Variants in PPP1R13B observed in about 807,000 individuals in gnomAD.
The protein encoded by PPP1R13B is protein phosphatase 1 regulatory subunit 13B, also known as apoptosis-stimulating of p53 protein 1.
PPP1R13B carries 44 observed loss-of-function variants against 119.8 expected under a neutral mutation model. The observed-to-expected ratio is 0.37, with a 90% confidence interval of 0.29 to 0.47. The LOEUF is 0.47. PPP1R13B is among the 20% of genes least tolerant of loss of function. The pLI is 0.99. For synonymous variants in PPP1R13B, 542 were observed against 561.5 expected, an observed-to-expected ratio of 0.97 and a Z score of 0.49; for missense variants, 1,227 against 1,413.5, an observed-to-expected ratio of 0.87 and a Z score of 2.12.
rs372140075 is a variant in PPP1R13B, at chr14:103,736,211, A to G, written c.3032-9T>C. The G allele has an allele frequency of 2.5e-5, 40 of 1,612,478 alleles. No individual in the cohort carries two copies. The highest frequency in any genetic ancestry group is 3.1e-5 in the Non-Finnish European group (36 of 1,179,730). ...CAGCTTTTCCTGCACCCCTGGAGCC[A>G]GAGAGCAATGGTCAGGCCTCAGCAG... On this transcript the variant is annotated splice_polypyrimidine_tract_variant and intron_variant, in intron 15 of 16. Transcript: ENST00000202556.
rs115842275 is a variant in PPP1R13B, at chr14:103,790,905, T to A, written c.158-5991A>T. Among the ~76,000 whole-genome samples the A allele has an allele frequency of 3.6e-3, 552 of 152,228 alleles. 5 individuals are homozygous for A. The highest frequency in any genetic ancestry group is 0.013 in the African/African-American group (535 of 41,540). ...CTGTAATACAGCTATAAACTTGTGT[T>A]TATACTTAAGATTTATAACTCTAAA... On this transcript the variant is annotated intron_variant, in intron 2 of 16. Transcript: ENST00000202556.
chr14:103,841,512 C>T (rs1452403050), intron 1 of PPP1R13B, among the ~76,000 whole-genome samples: 1 of 152,034 alleles, frequency 6.6e-6, no homozygotes, highest in Non-Finnish European at 1.5e-5. Context: ...ATCGCTTGAG[C>T]CCTGTAGGCA....
At position 103,737,744 on chromosome 14, in the gene PPP1R13B, T is replaced by C. The variant is rs771598049; in HGVS notation, c.2981A>G (p.Lys994Arg). 4.3e-6 allele frequency: 7 copies of C among 1,614,226 alleles called. No individual in the cohort carries two copies. The highest frequency in any genetic ancestry group is 5.9e-6 in the Non-Finnish European group (7 of 1,180,034). ...TISDIETAAD[K>R]CEEMEEGYIQ... is the part of the protein sequence containing the mutation. The stretch of plus-strand genomic sequence containing the variant: ...GTAGCCTTCCTCCATCTCCTCACAC[T>C]TGTCTGCAGCAGTTTCAATGTCGCT... Residue 994 changes from lysine to arginine, a missense_variant, in exon 15 of 17, where the codon AAG (lysine) becomes AGG (arginine). Physicochemically the swap from Lys to Arg is conservative, Grantham distance 26. Transcript: ENST00000202556.
chr14:103,735,386 C>A (rs1198495238), intron 16 of PPP1R13B, among the ~76,000 whole-genome samples, 191 bp from the exon 17 acceptor site: 2 of 152,214 alleles, frequency 1.3e-5, no homozygotes, highest in African/African-American at 4.8e-5. Flanking sequence ...CTTGTACCCC[C>A]AGAATATCCT....
intron 1 of PPP1R13B, among the ~76,000 whole-genome samples, chr14:103,814,789 C>T (rs1429367943): frequency 1.3e-5 from 2 of 151,628 alleles, no homozygotes; most frequent in South Asian, 4.2e-4. Flanking sequence ...ACTAATAATA[C>T]AAAAAATTAG....
chr14:103,757,068 T>C (rs1222514645), intron 5 of PPP1R13B, among the ~76,000 whole-genome samples: 3 of 151,134 alleles, frequency 2.0e-5, no homozygotes, highest in Admixed American at 1.3e-4. Flanking sequence ...AGCCTTTTTT[T>C]TTTTTTTTAA....
chr14:103,735,471 GGCAA>G (rs1392361083), intron 16 of PPP1R13B, among the ~76,000 whole-genome samples: 36 of 152,284 alleles, frequency 2.4e-4, no homozygotes, highest in African/African-American at 8.7e-4. Flanking sequence ...AGCTCCCCTG[GGCAA>G]GGGTCTCTGC....
At position 103,808,501 on chromosome 14, in the gene PPP1R13B, A is replaced by G. The variant is rs2086071250; in HGVS notation, c.10-10983T>C. On this transcript the variant is annotated intron_variant, in intron 1 of 16. Transcript: ENST00000202556. ...ATATCATGATGTTTTAAGAAAGTTT[A>G]CTAATTTGTGTTGGGCTGCATTCAA... is the stretch of plus-strand genomic sequence containing the variant. 2.0e-5 allele frequency among the ~76,000 whole-genome samples: 3 copies of G among 152,342 alleles called. No homozygotes were observed. The South Asian group carries it at 6.2e-4, about 32-fold the overall frequency.
intron 1 of PPP1R13B, among the ~76,000 whole-genome samples, chr14:103,823,330 C>T (rs1433426102): frequency 6.6e-6 from 1 of 150,548 alleles, no homozygotes; most frequent in Non-Finnish European, 1.5e-5. Flanking sequence ...CACAGTGAGA[C>T]TCTGTCTCAA....
chr14:103,790,414 T>A (rs1056795610), intron 2 of PPP1R13B, among the ~76,000 whole-genome samples: 31 of 152,064 alleles, frequency 2.0e-4, no homozygotes, highest in African/African-American at 7.5e-4. Flanking sequence ...GTGGTAATAT[T>A]AGGAGGTGGG....
intron 1 of PPP1R13B, among the ~76,000 whole-genome samples, chr14:103,804,313 T>C (rs1327616442): frequency 6.6e-6 from 1 of 152,158 alleles, no homozygotes; most frequent in African/African-American, 2.4e-5. Context: ...TAATCACTAA[T>C]TTAAGTAAAC....
chr14:103,739,757 G>A (rs1172206891), intron 12 of PPP1R13B, 67 bp downstream of exon 12: 5 of 1,483,454 alleles, frequency 3.4e-6, no homozygotes, highest in Non-Finnish European at 4.5e-6. Flanking sequence ...CCAAGGGAAG[G>A]ACCCCAGAGG....
chr14:103,837,470 C>T (rs560170071), intron 1 of PPP1R13B, among the ~76,000 whole-genome samples: 44 of 152,208 alleles, frequency 2.9e-4, no homozygotes, highest in African/African-American at 9.2e-4. Context: ...GCTGCTGAAG[C>T]AATAAATCTG....
Position 103,784,812 on chromosome 14 carries a change from G to A in PPP1R13B, c.260C>T (p.Thr87Ile). Residue 87 changes from threonine to isoleucine, a missense_variant, in exon 3 of 17, where the codon ACT becomes ATT. Transcript: ENST00000202556. ...TTATCTACCTTGTTCACTGTTCTCA[G>A]TTGGGGAGTCCTCGTGTCGAAGGAA... is the stretch of plus-strand genomic sequence containing the variant. ...KFFLRHEDSP[T>I]ENSEQGGRQT... 6.2e-7 allele frequency: 1 copy of A among 1,608,864 alleles called. No homozygotes were observed. Among genetic ancestry groups the A allele is most frequent in the Non-Finnish European group, 8.5e-7 (1 of 1,176,132 alleles).
At chr14:103,834,007 G>T (rs1012627423) in intron 1 of PPP1R13B, among the ~76,000 whole-genome samples, 4 of 152,202 alleles carry the variant, frequency 2.6e-5, no homozygotes, top group Non-Finnish European at 5.9e-5. Context: ...CAAGGATACT[G>T]CAGTGGGAAA....
chr14:103,776,252 C>A (rs1482194550), intron 4 of PPP1R13B, among the ~76,000 whole-genome samples: 3 of 140,100 alleles, frequency 2.1e-5, no homozygotes, highest in African/African-American at 8.4e-5. Flanking sequence ...ATGGCAGGGG[C>A]CTAATATTAT....
chr14:103,822,940 C>T lies in PPP1R13B; in HGVS notation c.9+24359G>A, dbSNP rs75669828. Among the ~76,000 whole-genome samples, 4 of 152,280 alleles carry T rather than the reference C, an allele frequency of 2.6e-5. No individual in the cohort carries two copies. The East Asian group carries it at 5.8e-4, about 22-fold the overall frequency. On this transcript the variant is annotated intron_variant, in intron 1 of 16. Coordinates refer to ENST00000202556, the MANE Select transcript of PPP1R13B (RefSeq NM_015316.3). ...CACGTTACAGATGGAGAAGCAGACT[C>T]AAGAGATGCTTGACACCTTGCTGGG...
intron 1 of PPP1R13B, among the ~76,000 whole-genome samples, chr14:103,798,297 G>A (rs987286743): frequency 2.0e-5 from 3 of 151,480 alleles, no homozygotes; most frequent in Middle Eastern, 3.2e-3. Context: ...GACTACAGGC[G>A]CCCGCCACCA....
chr14:103,734,488 T>G lies in PPP1R13B; in HGVS notation c.*666A>C. On this transcript the variant is annotated 3_prime_UTR_variant, in exon 17 of 17. Coordinates refer to ENST00000202556, the MANE Select transcript of PPP1R13B (RefSeq NM_015316.3). ...TGAGGCTCTCCCAGTTGTCACTTGG[T>G]CTTAGGGGTCCTGGTGCCCGTGGCG... is the stretch of plus-strand genomic sequence containing the variant. 2.2e-6 allele frequency: 1 copy of G among 456,146 alleles called. No homozygotes were observed. Among genetic ancestry groups the G allele is most frequent in the Non-Finnish European group, 4.4e-6 (1 of 226,740 alleles). The allele number at this position is 456,146 out of a possible 1,614,324, so 28.3% of individuals were successfully genotyped here. A position where few individuals can be genotyped will look rare whatever the true frequency, so the allele number is the denominator to read the frequency against.
Sources: allele counts gnomAD v4.1 joint callset (sites outside exome capture counted in the v4.1 genomes callset), GRCh38; gene constraint gnomAD v4.1.1; transcripts MANE v1.5; gene names NCBI Gene and HGNC (gene_info 2026-07-23, HGNC 2026-07-21).